AMZ2: variants seen among roughly 807,000 people sequenced by gnomAD.
AMZ2 encodes archaemetzincin-2.
A neutral mutation model predicts 36.7 loss-of-function variants in AMZ2; 26 were observed. The ratio of observed to expected loss-of-function variants is 0.71; its 90% confidence interval spans 0.52 to 0.98. AMZ2 has a LOEUF of 0.98. AMZ2 is among the 50% of genes least tolerant of loss of function. The pLI is 0.00. For synonymous variants in AMZ2, 144 were observed against 149.1 expected (o/e 0.97, Z 0.25); for missense variants, 394 against 430.5 (o/e 0.92, Z 0.75).
At chr17:68,225,025 AAC>A (rs533631198) in intron 1 of AMZ2, among the ~76,000 whole-genome samples, 12 of 146,656 alleles carry the variant, frequency 8.2e-5, no homozygotes, top group Non-Finnish European at 1.1e-4. Context: ...TAAAAAAAAA[AAC>A]ACACACACAC....
chr17:68,209,581 G>GGTGTGTGTGTGTGTGT (rs71142139), intron 1 of AMZ2, among the ~76,000 whole-genome samples: 2 of 106,934 alleles, frequency 1.9e-5, no homozygotes, highest in Admixed American at 1.9e-4. Flanking sequence ...AATAATTGTG[G>GGTGTGTGTGTGTGTGT]GTGTGTGTGT....
chr17:68,215,832 T>C (rs563545694), intron 1 of AMZ2, among the ~76,000 whole-genome samples: 2 of 151,182 alleles, frequency 1.3e-5, no homozygotes, highest in African/African-American at 4.8e-5. Context: ...GGATATTCAC[T>C]CTCACTGCCT....
chr17:68,213,173 T>C (rs1555726473), intron 1 of AMZ2, among the ~76,000 whole-genome samples: 2 of 152,138 alleles, frequency 1.3e-5, no homozygotes, highest in East Asian at 1.9e-4. Context: ...GTGAAAAAAA[T>C]GATTGCGGCT....
intron 1 of AMZ2, among the ~76,000 whole-genome samples, chr17:68,219,961 T>G (rs2073304965): frequency 6.6e-6 from 1 of 152,180 alleles, no homozygotes; most frequent in Admixed American, 6.5e-5. Flanking sequence ...AGATTCAATC[T>G]AATTCAAATC....
chr17:68,206,327 G>A, intron 1 of AMZ2: 2 of 1,185,046 alleles, frequency 1.7e-6, no homozygotes, highest in Non-Finnish European at 2.1e-6. Context: ...ATCCTGCTCC[G>A]ATCTCCCCCC....
chr17:68,209,671 G>C (rs2072981577), intron 1 of AMZ2, among the ~76,000 whole-genome samples: 1 of 137,630 alleles, frequency 7.3e-6, no homozygotes, highest in Non-Finnish European at 1.5e-5. Context: ...TCTCAGGCTG[G>C]AGTGCAGTGA....
chr17:68,206,844 GT>G (rs1274880767), intron 1 of AMZ2: 1 of 152,508 alleles, frequency 6.6e-6, no homozygotes, highest in Non-Finnish European at 1.5e-5. Context: ...GGTCCTGTAT[GT>G]TTGCTTTTAT....
At position 68,235,504 on chromosome 17, in the gene AMZ2, T is replaced by C. The variant is rs1356879822; in HGVS notation, c.-66-13136T>C. 6.6e-6 allele frequency among the ~76,000 whole-genome samples: 1 copy of C among 152,114 alleles called. No homozygotes were observed. The highest frequency in any genetic ancestry group is 1.5e-5 in the Non-Finnish European group (1 of 68,034). On this transcript the variant is annotated intron_variant, in intron 1 of 7. Transcript: ENST00000674770. The surrounding 1 kb of genome is among the most constrained non-coding windows in gnomAD (Gnocchi z 4.2). ...CACAGACCGTGGAGTTCGCGCCCTC[T>C]CACTGTGGCACACGGGCCTGAGCCT...
chr17:68,246,430 G>A (rs1228932370), upstream of AMZ2, among the ~76,000 whole-genome samples: 1 of 152,084 alleles, frequency 6.6e-6, no homozygotes, highest in Non-Finnish European at 1.5e-5. Context: ...AGGTCAAGTA[G>A]TTGACACAGG....
At position 68,250,383 on chromosome 17, in the gene AMZ2, G is replaced by C. The variant is rs1244311592; in HGVS notation, c.196G>C (p.Ala66Pro). The part of the protein sequence containing the change: ...PSDWITSHPE[A>P]PQDFEQFFSD... ...AGATTGGATCACCTCCCACCCTGAG[G>C]CTCCCCAAGACTTTGAACAGTTCTT... The change falls in exon 2 of 7, where the codon GCT (alanine) becomes CCT (proline). Residue 66 changes from alanine to proline, a missense_variant. Coordinates refer to ENST00000359904, the MANE Select transcript of AMZ2 (RefSeq NM_016627.5). The C allele has an allele frequency of 3.1e-6, 5 of 1,613,988 alleles. No homozygotes were observed. The highest frequency in any genetic ancestry group is 4.2e-6 in the Non-Finnish European group (5 of 1,180,040).
At chr17:68,207,717 G>C (rs1213131205) in intron 1 of AMZ2, among the ~76,000 whole-genome samples, 7 of 152,232 alleles carry the variant, frequency 4.6e-5, no homozygotes, top group African/African-American at 1.7e-4. Context: ...GCCCTCCCTG[G>C]CTGTCGGCGC....
rs1555743232 is a variant in AMZ2 at position 68,256,922 on chromosome 17, G to A, written c.1036G>A (p.Glu346Lys). 3 of 1,614,098 alleles carry A rather than the reference G, an allele frequency of 1.9e-6. No homozygotes were observed. Among genetic ancestry groups the A allele is most frequent in the South Asian group, 2.2e-5 (2 of 91,070 alleles). The change falls in exon 7 of 7, where the codon GAA (glutamate) becomes AAA (lysine). Residue 346 changes from glutamate to lysine, a missense_variant. Coordinates refer to ENST00000359904, the MANE Select transcript of AMZ2 (RefSeq NM_016627.5). ...NLPKPVEAFKEWKEWIIKCLA... is the reference protein window; with the variant it reads ...NLPKPVEAFKKWKEWIIKCLA... Reference sequence around the variant, plus strand: ...ACCGAAACCCGTGGAAGCCTTTAAGGAATGGAAAGAGTGGATAATAAAATG... The same window carrying A: ...ACCGAAACCCGTGGAAGCCTTTAAGAAATGGAAAGAGTGGATAATAAAATG...
chr17:68,208,866 C>T (rs146148975), intron 1 of AMZ2, among the ~76,000 whole-genome samples: 1 of 152,238 alleles, frequency 6.6e-6, no homozygotes, highest in African/African-American at 2.4e-5. Context: ...CTGAAGCCAG[C>T]GAGACCACGA....
intron 1 of AMZ2, among the ~76,000 whole-genome samples, chr17:68,231,678 T>C (rs546999838): frequency 2.5e-4 from 37 of 150,702 alleles, no homozygotes; most frequent in African/African-American, 9.1e-4. Context: ...GGTATGTGTC[T>C]TTTTAGCATA....
chr17:68,245,308 G>A (rs2073979076), upstream of AMZ2, among the ~76,000 whole-genome samples: 1 of 151,734 alleles, frequency 6.6e-6, no homozygotes, highest in Admixed American at 6.6e-5. Context: ...GTGAATCACA[G>A]CTGACTGCAG....
chr17:68,253,614 A>C (rs1410811357), intron 4 of AMZ2, among the ~76,000 whole-genome samples: 1 of 152,142 alleles, frequency 6.6e-6, no homozygotes, highest in African/African-American at 2.4e-5. Flanking sequence ...CCGTGGTTTA[A>C]AGCATGGGCT....
At chr17:68,223,371 A>G (rs560282678) in intron 1 of AMZ2, among the ~76,000 whole-genome samples, 10 of 152,110 alleles carry the variant, frequency 6.6e-5, no homozygotes, top group African/African-American at 2.2e-4. Flanking sequence ...GCCTCATTAT[A>G]ATGAAGCCCT....
chr17:68,219,622 C>T (rs1326651665), intron 1 of AMZ2, among the ~76,000 whole-genome samples: 2 of 152,226 alleles, frequency 1.3e-5, no homozygotes, highest in East Asian at 3.9e-4. Flanking sequence ...GCTTTGACTT[C>T]CCAGGTTTAA....
chr17:68,241,300 G>T (rs1177769250), intron 1 of AMZ2, among the ~76,000 whole-genome samples: 4 of 152,168 alleles, frequency 2.6e-5, no homozygotes, highest in African/African-American at 9.6e-5. Context: ...AAAATAAAGA[G>T]GTTCTACAAG....
Sources: allele counts gnomAD v4.1 joint callset (sites outside exome capture counted in the v4.1 genomes callset), GRCh38; gene constraint gnomAD v4.1.1; non-coding constraint Gnocchi (gnomAD v3.1); transcripts MANE v1.5; gene names NCBI Gene and HGNC (gene_info 2026-07-23, HGNC 2026-07-21).